ATAD2B: variants seen among roughly 807,000 people sequenced by gnomAD.
The protein encoded by ATAD2B is ATPase family AAA domain containing 2B, also known as ATPase family AAA domain-containing protein 2B.
A neutral mutation model predicts 167.6 loss-of-function variants in ATAD2B; 40 were observed. The observed-to-expected ratio is 0.24, with a 90% CI of 0.19 to 0.31. ATAD2B has a LOEUF of 0.31. Ranked by LOEUF, ATAD2B falls within the 10% of genes least tolerant of loss-of-function variation. ATAD2B has a pLI of 1.00. For synonymous variants in ATAD2B, 579 were observed against 596.5 expected, an observed-to-expected ratio of 0.97 and a Z score of 0.43; for missense variants, 1,242 against 1,757.2, an observed-to-expected ratio of 0.71 and a Z score of 5.24.
the ATAD2B span, among the ~76,000 whole-genome samples, chr2:23,679,375 C>T: frequency 3.3e-5 from 5 of 152,344 alleles, no homozygotes; most frequent in African/African-American, 1.2e-4. Context: ...GTCTCTCATG[C>T]TCCAACAGGC....
At chr2:23,752,324 ATAAC>A (rs1675439444) in intron 27 of ATAD2B, among the ~76,000 whole-genome samples, 1 of 151,964 alleles carries the variant, frequency 6.6e-6, no homozygotes, top group Non-Finnish European at 1.5e-5. Context: ...CACTCAACAA[ATAAC>A]TAACTTATTA....
intron 13 of ATAD2B, among the ~76,000 whole-genome samples, chr2:23,853,333 C>T (rs1692869889): frequency 1.3e-5 from 2 of 152,146 alleles, no homozygotes; most frequent in Non-Finnish European, 1.5e-5. Context: ...GTAAGGAAAC[C>T]ACAAAATAGC....
At chr2:23,796,097 T>C (rs766669178) in intron 19 of ATAD2B, among the ~76,000 whole-genome samples, 2 of 152,036 alleles carry the variant, frequency 1.3e-5, no homozygotes, top group Non-Finnish European at 2.9e-5. Flanking sequence ...TAAAATAAAA[T>C]GTTAAGACTT....
At chr2:23,698,537 T>C in the ATAD2B span, among the ~76,000 whole-genome samples, 1 of 150,310 alleles carries the variant, frequency 6.7e-6, no homozygotes, top group East Asian at 2.0e-4. Flanking sequence ...GGCTATTATA[T>C]TGATAATGAA....
At chr2:23,826,099 A>G (rs368233847) in intron 15 of ATAD2B, among the ~76,000 whole-genome samples, 5 of 152,064 alleles carry the variant, frequency 3.3e-5, no homozygotes, top group African/African-American at 1.2e-4. Flanking sequence ...AACTGAAACA[A>G]AAAAAAACAG....
chr2:23,905,031 A>G (rs1014888875), intron 1 of ATAD2B, among the ~76,000 whole-genome samples: 3 of 152,224 alleles, frequency 2.0e-5, no homozygotes, highest in Non-Finnish European at 4.4e-5. Flanking sequence ...CTAAGCAATC[A>G]TCATGAAAGA....
At chr2:23,902,035 C>A (rs748925223) in intron 1 of ATAD2B, among the ~76,000 whole-genome samples, 1 of 152,110 alleles carries the variant, frequency 6.6e-6, no homozygotes, top group Non-Finnish European at 1.5e-5. Flanking sequence ...AAGTATTTCT[C>A]AAACTGTTGT....
At chr2:23,873,769 T>C (rs1696363460) in intron 8 of ATAD2B, among the ~76,000 whole-genome samples, 3 of 152,224 alleles carry the variant, frequency 2.0e-5, no homozygotes, top group African/African-American at 7.2e-5. Context: ...CATTAAATCA[T>C]ATAAAGTAAT....
intron 8 of ATAD2B, among the ~76,000 whole-genome samples, chr2:23,871,261 A>G (rs535687084): frequency 6.6e-6 from 1 of 151,922 alleles, no homozygotes; most frequent in African/African-American, 2.4e-5. Flanking sequence ...CTGCCTAGCC[A>G]TTTAACCACC....
rs200335607 is a variant in ATAD2B, at chr2:23,886,726, T to TA, written c.573-898dup. Among the ~76,000 whole-genome samples the TA allele has an allele frequency of 4.1e-3, 616 of 151,418 alleles. 12 individuals carry two copies. Among genetic ancestry groups the TA allele is most frequent in the East Asian group, 0.019 (97 of 5,120 alleles). On this transcript the variant is annotated intron_variant, in intron 4 of 27. Coordinates refer to ENST00000238789, the MANE Select transcript of ATAD2B (RefSeq NM_017552.4). Reference sequence around the variant, plus strand: ...GCAGGCGGATCACGAGGTCAGGAGATAGAGACCATCCTGGCTAACACGGTG... The same window carrying TA: ...GCAGGCGGATCACGAGGTCAGGAGATAAGAGACCATCCTGGCTAACACGGTG...
At chr2:23,773,394 C>G (rs1228370044) in intron 22 of ATAD2B, among the ~76,000 whole-genome samples, 2 of 152,032 alleles carry the variant, frequency 1.3e-5, no homozygotes, top group African/African-American at 4.8e-5. Context: ...CCCGGCTATT[C>G]AGGAGACTGA....
the ATAD2B span, among the ~76,000 whole-genome samples, chr2:23,734,748 G>A: frequency 6.6e-6 from 1 of 152,176 alleles, no homozygotes; most frequent in Non-Finnish European, 1.5e-5. Context: ...CTCCTCCAAT[G>A]CTGGGGATTA....
At chr2:23,847,960 T>C (rs960377010) in intron 13 of ATAD2B, among the ~76,000 whole-genome samples, 2 of 147,824 alleles carry the variant, frequency 1.4e-5, no homozygotes, top group Non-Finnish European at 3.0e-5. Flanking sequence ...ACCACTGCAC[T>C]CTGACCTGGG....
the ATAD2B span, among the ~76,000 whole-genome samples, chr2:23,708,928 G>A: frequency 6.6e-6 from 1 of 152,224 alleles, no homozygotes; most frequent in Admixed American, 6.5e-5. Context: ...TCACTGCTGT[G>A]CCAGGGACCC....
chr2:23,857,722 T>C (rs897299394), intron 12 of ATAD2B, among the ~76,000 whole-genome samples: 1 of 149,774 alleles, frequency 6.7e-6, no homozygotes, highest in African/African-American at 2.4e-5. Flanking sequence ...TACATACTTA[T>C]ACACAAACCA....
intron 4 of ATAD2B, 105 bp from the exon 5 acceptor site, chr2:23,885,934 CACA>C: frequency 1.5e-6 from 1 of 657,356 alleles, no homozygotes; most frequent in South Asian, 2.2e-5. Flanking sequence ...TGTAACTACA[CACA>C]ACTTTTTTTT....
At chr2:23,682,906 C>A in the ATAD2B span, among the ~76,000 whole-genome samples, 1 of 152,178 alleles carries the variant, frequency 6.6e-6, no homozygotes. The surrounding 1 kb of genome is among the most constrained non-coding windows in gnomAD (Gnocchi z 4.1). Context: ...GCCATGGCTC[C>A]CAGAGGGCAG....
intron 22 of ATAD2B, among the ~76,000 whole-genome samples, chr2:23,774,122 A>G (rs1678741039): frequency 6.6e-6 from 1 of 152,202 alleles, no homozygotes; most frequent in Non-Finnish European, 1.5e-5. Context: ...AGAAAAGCTC[A>G]TTTTTATGGT....
the ATAD2B span, among the ~76,000 whole-genome samples, chr2:23,734,159 T>C: frequency 7.1e-6 from 1 of 140,104 alleles, no homozygotes; most frequent in African/African-American, 2.6e-5. Flanking sequence ...GGGTAACTTA[T>C]TTATTTATTT....
Sources: allele counts gnomAD v4.1 joint callset (sites outside exome capture counted in the v4.1 genomes callset), GRCh38; gene constraint gnomAD v4.1.1; non-coding constraint Gnocchi (gnomAD v3.1); transcripts MANE v1.5; gene names NCBI Gene and HGNC (gene_info 2026-07-23, HGNC 2026-07-21).